Variants in LRP1B observed in about 807,000 individuals in gnomAD.
LRP1B encodes the protein LDL receptor related protein 1B.
LRP1B carries 217 observed loss-of-function variants against 556.6 expected under a neutral mutation model. The ratio of observed to expected loss-of-function variants is 0.39; its 90% CI spans 0.35 to 0.44. The LOEUF is 0.44. Among genes scored for constraint, LRP1B ranks in the 20% least tolerant of loss-of-function variants. The pLI is 1.00. For missense variants in LRP1B, 5,053 were observed against 5,620.8 expected (o/e 0.90, Z 3.23); for synonymous variants, 2,047 against 1,865.8 (o/e 1.10, Z -2.50).
At chr2:140,987,815 T>C (rs1002681759) in intron 17 of LRP1B, among the ~76,000 whole-genome samples, 7 of 151,918 alleles carry the variant, frequency 4.6e-5, no homozygotes. Flanking sequence ...TGAATCCCTG[T>C]TCTCTACTAA....
intron 2 of LRP1B, among the ~76,000 whole-genome samples, chr2:141,608,092 T>C (rs2105318271): frequency 6.6e-6 from 1 of 151,806 alleles, no homozygotes; most frequent in Non-Finnish European, 1.5e-5. Context: ...GGTGTGGTGG[T>C]GCATGCCTGT....
At chr2:141,847,997 G>A (rs1028427400) in intron 1 of LRP1B, among the ~76,000 whole-genome samples, 2 of 151,454 alleles carry the variant, frequency 1.3e-5, no homozygotes, top group Non-Finnish European at 3.0e-5. Context: ...AAGACTTTAA[G>A]TTAATAAGGA....
intron 3 of LRP1B, among the ~76,000 whole-genome samples, chr2:141,377,508 C>T (rs1384142630): frequency 1.3e-5 from 2 of 152,012 alleles, no homozygotes; most frequent in Non-Finnish European, 2.9e-5. Context: ...GTAATTTCCT[C>T]CCCAATTTTT....
intron 57 of LRP1B, among the ~76,000 whole-genome samples, chr2:140,489,533 A>G (rs1688611889): frequency 6.6e-6 from 1 of 152,088 alleles, no homozygotes; most frequent in Non-Finnish European, 1.5e-5. Context: ...GCACATAACC[A>G]TATATATGTA....
chr2:140,465,720 C>CA lies in LRP1B; in HGVS notation c.9626-8070dup, dbSNP rs34468644. Among the ~76,000 whole-genome samples, 532 of 79,982 alleles carry CA rather than the reference C, an allele frequency of 6.7e-3. 2 individuals are homozygous for CA. Among genetic ancestry groups the CA allele is most frequent in the Middle Eastern group, 0.041 (4 of 98 alleles). The allele number at this position is 79,982 out of a possible 152,430, so 52.5% of individuals were successfully genotyped here. A position where few individuals can be genotyped will look rare whatever the true frequency, so the allele number is the denominator to read the frequency against. On this transcript the variant is annotated intron_variant, in intron 60 of 90. Transcript: ENST00000389484. ...AAGCATGTGGCACTCATGACATTTG[C>CA]AAAAAAAAAAAAAAGAAAAAAACTC...
intron 1 of LRP1B, among the ~76,000 whole-genome samples, chr2:141,883,618 G>T (rs1030193078): frequency 6.6e-6 from 1 of 152,150 alleles, no homozygotes; most frequent in Non-Finnish European, 1.5e-5. Flanking sequence ...CAGCTACAGT[G>T]AAGGCTGAGG....
chr2:140,684,116 A>T (rs1281156918), intron 41 of LRP1B, among the ~76,000 whole-genome samples: 1 of 152,246 alleles, frequency 6.6e-6, no homozygotes, highest in Non-Finnish European at 1.5e-5. Flanking sequence ...AAATGACGGA[A>T]TCTATAAAAT....
In LRP1B at chr2:140,950,301, C is replaced by T. The variant is rs1695675306; in HGVS notation, c.3070G>A (p.Ala1024Thr). The change falls in exon 20 of 91, where the codon GCC (alanine) becomes ACC (threonine). Residue 1024 changes from alanine to threonine, a missense_variant. Physicochemically the swap from Ala to Thr is moderately conservative, Grantham distance 58. Around this residue, in one of 5 missense-constraint regions of LRP1B, gnomAD observed 3,619 missense variants for 3,931.9 expected, o/e 0.92. Coordinates refer to ENST00000389484, the MANE Select transcript of LRP1B (RefSeq NM_018557.3). ...CCACAGTCATTGTCACCATCACAGG[C>T]CCAGTGGCCTGGGATGCATCTGCCA... ...SSGRCIPGHWACDGDNDCGDF... is the reference protein window; with the variant it reads ...SSGRCIPGHWTCDGDNDCGDF... 6.2e-7 allele frequency: 1 copy of T among 1,612,902 alleles called. No homozygotes were observed. Among genetic ancestry groups the T allele is most frequent in the Non-Finnish European group, 8.5e-7 (1 of 1,179,290 alleles).
intron 1 of LRP1B, among the ~76,000 whole-genome samples, chr2:141,861,748 G>C (rs1006786580): frequency 1.3e-5 from 2 of 152,086 alleles, no homozygotes; most frequent in African/African-American, 4.8e-5. Flanking sequence ...TGGCCAACAT[G>C]GTGAATCTCC....
Position 140,238,148 on chromosome 2 carries a change from C to T in LRP1B, c.13560+4G>A, listed in dbSNP as rs759172873. 3 of 1,596,764 alleles carry T rather than the reference C, an allele frequency of 1.9e-6. No individual in the cohort carries two copies. The highest frequency in any genetic ancestry group is 2.3e-5 in the East Asian group (1 of 44,288). ...TCACTGCCCATTATCTTAAGACATA[C>T]TACCTTTGTTGGGTCTATCATAAAG... On this transcript the variant is annotated splice_donor_region_variant and intron_variant, in intron 89 of 90. Coordinates refer to ENST00000389484, the MANE Select transcript of LRP1B (RefSeq NM_018557.3).
intron 85 of LRP1B, among the ~76,000 whole-genome samples, chr2:140,271,794 T>G (rs1682473619): frequency 6.6e-6 from 1 of 151,894 alleles, no homozygotes; most frequent in Non-Finnish European, 1.5e-5. Flanking sequence ...ATGGATGCAG[T>G]GAATTAATTA....
intron 1 of LRP1B, among the ~76,000 whole-genome samples, chr2:142,093,367 A>G (rs973153828): frequency 6.6e-6 from 1 of 152,146 alleles, no homozygotes; most frequent in Non-Finnish European, 1.5e-5. Flanking sequence ...TATATAAGCT[A>G]TCACAAAAAA....
chr2:140,607,632 TACACAC>T (rs3061367), intron 41 of LRP1B, among the ~76,000 whole-genome samples: 56,267 of 142,924 alleles, frequency 0.39, 11,609 homozygotes, highest in South Asian at 0.52. Flanking sequence ...CCCCTCTCTT[TACACAC>T]ACACACACAC....
chr2:140,529,187 C>T (rs928449037), intron 47 of LRP1B, among the ~76,000 whole-genome samples: 4 of 152,010 alleles, frequency 2.6e-5, no homozygotes. Flanking sequence ...GGAAGAAGAT[C>T]TGTCAGGGAT....
intron 66 of LRP1B, among the ~76,000 whole-genome samples, chr2:140,429,028 C>T (rs563878665): frequency 9.2e-5 from 14 of 152,214 alleles, no homozygotes; most frequent in African/African-American, 3.1e-4. Flanking sequence ...CACCTTAACC[C>T]ACAAGTATAA....
chr2:140,461,768 A>G (rs1169830618), intron 60 of LRP1B, among the ~76,000 whole-genome samples: 1 of 152,106 alleles, frequency 6.6e-6, no homozygotes, highest in African/African-American at 2.4e-5. Context: ...CGGGAGGCAG[A>G]GGTTGCAGTG....
intron 79 of LRP1B, among the ~76,000 whole-genome samples, chr2:140,328,149 A>T (rs1236014784): frequency 6.6e-6 from 1 of 152,048 alleles, no homozygotes; most frequent in Non-Finnish European, 1.5e-5. Context: ...AATTCTCAAG[A>T]AACTCATTTT....
intron 7 of LRP1B, among the ~76,000 whole-genome samples, chr2:141,108,334 C>CTTTTTTTTTTTTTTTTTTTTTTTTTT (rs60275697): frequency 1.1e-5 from 1 of 88,514 alleles, no homozygotes; most frequent in Non-Finnish European, 2.1e-5. Flanking sequence ...TAATCTGTTT[C>CTTTTTTTTTTTTTTTTTTTTTTTTTT]TTTTTTTTTT....
chr2:141,421,324 C>A (rs1264782522), intron 3 of LRP1B, among the ~76,000 whole-genome samples: 2 of 151,938 alleles, frequency 1.3e-5, no homozygotes, highest in African/African-American at 4.8e-5. Flanking sequence ...GTCAGGAGAT[C>A]GAGACCATCC....
Sources: gnomAD v4.1 joint callset for allele counts (sites outside exome capture counted in the v4.1 genomes callset) on GRCh38, gnomAD v4.1.1 for gene constraint, gnomAD v4.1.1 regional missense constraint, MANE v1.5 for transcripts, NCBI Gene and HGNC (gene_info 2026-07-23, HGNC 2026-07-21) for gene names.